Variants in ELK3 observed in about 807,000 individuals in gnomAD.
ELK3 encodes ETS domain-containing protein Elk-3.
ELK3 carries 10 observed loss-of-function variants against 28.9 expected under a neutral mutation model. That is an observed-to-expected ratio of 0.35 (90% confidence interval 0.21 to 0.59). The LOEUF (loss-of-function observed/expected upper bound fraction) is 0.59. ELK3 is among the 20% of genes least tolerant of loss of function. The pLI is 0.82. For missense variants in ELK3, 463 were observed against 517.3 expected (o/e 0.90, Z 1.02); for synonymous variants, 272 against 243.5 (o/e 1.12, Z -1.09).
At chr12:96,232,978 A>G (rs1428148061) in intron 2 of ELK3, among the ~76,000 whole-genome samples, 1 of 152,156 alleles carries the variant, frequency 6.6e-6, no homozygotes, top group African/African-American at 2.4e-5. Flanking sequence ...TCTGTCTCTT[A>G]AAAAAGCAAG....
chr12:96,245,903 G>A (rs2137032021), intron 2 of ELK3, among the ~76,000 whole-genome samples: 1 of 152,290 alleles, frequency 6.6e-6, no homozygotes, highest in South Asian at 2.1e-4. Context: ...TTTGAGGACT[G>A]GAGCCATAAA....
intron 1 of ELK3, among the ~76,000 whole-genome samples, chr12:96,217,554 A>G (rs1951627371): frequency 6.6e-6 from 1 of 152,206 alleles, no homozygotes; most frequent in East Asian, 1.9e-4. Context: ...CTACTGAATT[A>G]TGAGTGAAAT....
intron 3 of ELK3, among the ~76,000 whole-genome samples, chr12:96,250,309 C>T (rs1397943730): frequency 6.6e-6 from 1 of 152,166 alleles, no homozygotes; most frequent in Non-Finnish European, 1.5e-5. Flanking sequence ...GAGGGAGACA[C>T]CAGAGGGGCC....
intron 1 of ELK3, among the ~76,000 whole-genome samples, chr12:96,199,633 C>T (rs182780500): frequency 6.6e-6 from 1 of 152,168 alleles, no homozygotes; most frequent in Admixed American, 6.5e-5. Context: ...ATAAAAATTG[C>T]CTTTCATCCA....
chr12:96,258,956 A>G (rs1433658141), intron 3 of ELK3, among the ~76,000 whole-genome samples: 2 of 152,236 alleles, frequency 1.3e-5, no homozygotes, highest in African/African-American at 4.8e-5. Context: ...TTTAACAGCA[A>G]ATCCCAAAGC....
At chr12:96,206,898 CGGTT>C (rs922507157) in intron 1 of ELK3, among the ~76,000 whole-genome samples, 3 of 152,134 alleles carry the variant, frequency 2.0e-5, no homozygotes, top group African/African-American at 7.2e-5. Context: ...AATGAATGAA[CGGTT>C]GGTCTGCCCC....
chr12:96,243,860 G>C (rs919105953), intron 2 of ELK3, among the ~76,000 whole-genome samples: 11 of 150,224 alleles, frequency 7.3e-5, no homozygotes, highest in African/African-American at 2.7e-4. Flanking sequence ...AAAAAAATTA[G>C]CTGGGCATGA....
chr12:96,208,002 A>G (rs962741417), intron 1 of ELK3, among the ~76,000 whole-genome samples: 1 of 152,236 alleles, frequency 6.6e-6, no homozygotes, highest in Non-Finnish European at 1.5e-5. Flanking sequence ...TTACTCTACG[A>G]AGGGAGAAAG....
chr12:96,239,782 G>A (rs1951807370), intron 2 of ELK3, among the ~76,000 whole-genome samples: 1 of 152,210 alleles, frequency 6.6e-6, no homozygotes, highest in Non-Finnish European at 1.5e-5. Context: ...CCAAGCAGAC[G>A]CTGCAAGGCT....
chr12:96,218,232 C>G (rs1203373436), intron 1 of ELK3, among the ~76,000 whole-genome samples: 1 of 152,128 alleles, frequency 6.6e-6, no homozygotes, highest in Non-Finnish European at 1.5e-5. Context: ...CGGGAAGGCC[C>G]TGCAGGCTGC....
At chr12:96,260,078 C>T (rs1332410712) in intron 4 of ELK3, among the ~76,000 whole-genome samples, 1 of 152,160 alleles carries the variant, frequency 6.6e-6, no homozygotes, top group Non-Finnish European at 1.5e-5. Context: ...ACAATTAGTT[C>T]TTAAAGTGTT....
intron 2 of ELK3, among the ~76,000 whole-genome samples, chr12:96,234,960 C>T (rs919726402): frequency 6.6e-6 from 1 of 152,112 alleles, no homozygotes; most frequent in Non-Finnish European, 1.5e-5. Context: ...GACAGGCCCC[C>T]GGTATTTTTT....
At chr12:96,214,865 A>G (rs1951600012) in intron 1 of ELK3, among the ~76,000 whole-genome samples, 1 of 152,220 alleles carries the variant, frequency 6.6e-6, no homozygotes, top group Non-Finnish European at 1.5e-5. Context: ...CATTTTCTAT[A>G]ATGAAATGGC....
chr12:96,207,775 C>A (rs1951547426), intron 1 of ELK3, among the ~76,000 whole-genome samples: 1 of 152,132 alleles, frequency 6.6e-6, no homozygotes, highest in Non-Finnish European at 1.5e-5. Flanking sequence ...TCCAACTAAA[C>A]CTTGACATGT....
chr12:96,226,480 A>C (rs967473510), intron 2 of ELK3, among the ~76,000 whole-genome samples: 8 of 151,340 alleles, frequency 5.3e-5, no homozygotes, highest in Admixed American at 2.0e-4. Flanking sequence ...ACCTGTCCAC[A>C]TGCACACAGA....
intron 1 of ELK3, among the ~76,000 whole-genome samples, chr12:96,218,030 G>A (rs1217951491): frequency 2.0e-5 from 3 of 151,270 alleles, no homozygotes; most frequent in Middle Eastern, 3.4e-3. Flanking sequence ...TATGATTCAC[G>A]TTTGACAAGC....
At chr12:96,253,722 T>G (rs959994728) in intron 3 of ELK3, among the ~76,000 whole-genome samples, 1 of 152,224 alleles carries the variant, frequency 6.6e-6, no homozygotes, top group Admixed American at 6.5e-5. Context: ...ACTGAGTGAC[T>G]TACCGGTATC....
intron 3 of ELK3, among the ~76,000 whole-genome samples, chr12:96,251,458 G>A (rs988897390): frequency 7.9e-5 from 12 of 152,154 alleles, no homozygotes; most frequent in Non-Finnish European, 1.8e-4. Flanking sequence ...GAAAGGAAGA[G>A]CTGCGCATCT....
chr12:96,231,533 G>A (rs1294104608), intron 2 of ELK3, among the ~76,000 whole-genome samples: 1 of 152,110 alleles, frequency 6.6e-6, no homozygotes, highest in Non-Finnish European at 1.5e-5. Flanking sequence ...ACTCCTGTTG[G>A]CCAGACTGGA....
Sources: gnomAD v4.1 joint callset for allele counts (sites outside exome capture counted in the v4.1 genomes callset) on GRCh38, gnomAD v4.1.1 for gene constraint, MANE v1.5 for transcripts, NCBI Gene and HGNC (gene_info 2026-07-23, HGNC 2026-07-21) for gene names.